PRORP: variants seen among roughly 807,000 people sequenced by gnomAD.
PRORP encodes protein only RNase P catalytic subunit.
PRORP carries 51 observed loss-of-function variants against 59.4 expected under a neutral mutation model. The observed-to-expected ratio is 0.86, with a 90% CI of 0.69 to 1.08. PRORP has a LOEUF of 1.08. PRORP is among the 50% of genes least tolerant of loss of function. PRORP has a pLI of 0.00. For synonymous variants in PRORP, 231 were observed against 245.6 expected (o/e 0.94, Z 0.55); for missense variants, 646 against 690.3 (o/e 0.94, Z 0.72).
intron 5 of PRORP, among the ~76,000 whole-genome samples, chr14:35,189,475 T>C (rs2048829057): frequency 6.6e-6 from 1 of 151,222 alleles, no homozygotes; most frequent in Non-Finnish European, 1.5e-5. Context: ...TCTGAGTGAC[T>C]AGCAGATTGA....
intron 5 of PRORP, among the ~76,000 whole-genome samples, chr14:35,236,062 C>T (rs952503433): frequency 2.1e-5 from 3 of 142,868 alleles, no homozygotes; most frequent in African/African-American, 7.9e-5. Flanking sequence ...TGCCACTGCA[C>T]TCCAACCTGG....
At chr14:35,218,366 T>C (rs1595331395) in intron 5 of PRORP, among the ~76,000 whole-genome samples, 1 of 139,400 alleles carries the variant, frequency 7.2e-6, no homozygotes, top group South Asian at 2.3e-4. Context: ...GATGCTGAGG[T>C]GGGAGGATCA....
chr14:35,195,827 C>CA (rs1209233705), intron 5 of PRORP, among the ~76,000 whole-genome samples: 2 of 151,790 alleles, frequency 1.3e-5, no homozygotes, highest in South Asian at 4.2e-4. Flanking sequence ...CTTTCATTTT[C>CA]AAAAAAGAAG....
chr14:35,163,759 T>A lies in PRORP; in HGVS notation c.1168-16911T>A, dbSNP rs565880462. 2.6e-5 allele frequency among the ~76,000 whole-genome samples: 4 copies of A among 152,288 alleles called. No individual in the cohort carries two copies. In the South Asian group the frequency reaches 8.3e-4, roughly 32 times the overall value. On this transcript the variant is annotated intron_variant, in intron 4 of 7. Transcript: ENST00000534898. ...TTTGCTATACAGAGGCTCTTTAGTT[T>A]AATTAGTTAATTAATTAGGTCCCAC...
intron 5 of PRORP, among the ~76,000 whole-genome samples, chr14:35,230,070 T>TTTTTTTTTTA (rs2050035783): frequency 3.3e-5 from 4 of 121,672 alleles, no homozygotes; most frequent in African/African-American, 1.1e-4. Flanking sequence ...TTTTTTTTTT[T>TTTTTTTTTTA]GAGACCAAGT....
intron 4 of PRORP, among the ~76,000 whole-genome samples, chr14:35,168,402 C>T (rs2048236555): frequency 6.6e-6 from 1 of 152,088 alleles, no homozygotes; most frequent in Non-Finnish European, 1.5e-5. Context: ...AAAGGGAGTT[C>T]TTCATCTTTG....
At chr14:35,273,247 A>G (rs2051240561) in intron 7 of PRORP, among the ~76,000 whole-genome samples, 188 bp from the exon 8 acceptor site, 1 of 152,204 alleles carries the variant, frequency 6.6e-6, no homozygotes, top group Non-Finnish European at 1.5e-5. Flanking sequence ...AGACCCCTCA[A>G]AAAAAGGAAC....
intron 5 of PRORP, among the ~76,000 whole-genome samples, chr14:35,260,350 A>G (rs1161924801): frequency 6.6e-6 from 1 of 152,258 alleles, no homozygotes; most frequent in Non-Finnish European, 1.5e-5. Flanking sequence ...CAACAGGCAC[A>G]GGCCAGACCC....
At chr14:35,150,583 T>G (rs1445042783) in intron 4 of PRORP, among the ~76,000 whole-genome samples, 2 of 152,218 alleles carry the variant, frequency 1.3e-5, no homozygotes, top group African/African-American at 4.8e-5. Context: ...ATGTTTTCCT[T>G]ATTTCTTCAT....
intron 5 of PRORP, among the ~76,000 whole-genome samples, chr14:35,240,742 T>G (rs2050345089): frequency 6.6e-6 from 1 of 152,152 alleles, no homozygotes; most frequent in South Asian, 2.1e-4. Context: ...CCACATTGAT[T>G]AAATCAACAA....
intron 5 of PRORP, among the ~76,000 whole-genome samples, chr14:35,195,351 G>A (rs1459061310): frequency 6.6e-6 from 1 of 151,986 alleles, no homozygotes. Flanking sequence ...TACTGGAGGT[G>A]AGTTTACTGA....
At position 35,270,474 on chromosome 14, in the gene PRORP, C is replaced by T. The variant is rs2051157859; in HGVS notation, c.1498C>T (p.Leu500=). The T allele has an allele frequency of 1.2e-6, 2 of 1,614,034 alleles. No individual in the cohort carries two copies. Among genetic ancestry groups the T allele is most frequent in the Non-Finnish European group, 1.7e-6 (2 of 1,180,044 alleles). Residue 500 remains leucine (L), a synonymous_variant, in exon 7 of 8, where the codon CTG becomes TTG. Transcript: ENST00000534898. The part of the protein sequence containing the change: ...GNHCRFITRD[L]MRDHKACLPD... ...TCACTGCAGGTTTATCACAAGAGAC[C>T]TGATGCGGGACCACAAGGCCTGTCT...
intron 7 of PRORP, among the ~76,000 whole-genome samples, chr14:35,271,044 G>A (rs1236801541): frequency 6.6e-6 from 1 of 151,360 alleles, no homozygotes; most frequent in African/African-American, 2.4e-5. Context: ...CCGAGATCAC[G>A]CCACTGCACT....
At chr14:35,256,990 G>A (rs989666869) in intron 5 of PRORP, among the ~76,000 whole-genome samples, 2 of 150,488 alleles carry the variant, frequency 1.3e-5, no homozygotes. Flanking sequence ...CTCCTGCCTC[G>A]GCCTCCCAAG....
intron 7 of PRORP, 82 bp downstream of exon 7, chr14:35,270,678 T>A: frequency 8.0e-7 from 1 of 1,249,930 alleles, no homozygotes; most frequent in Non-Finnish European, 1.1e-6. Flanking sequence ...GTGTCACAAC[T>A]AATTGAAGGT....
intron 4 of PRORP, among the ~76,000 whole-genome samples, chr14:35,168,775 A>G (rs1285061269): frequency 6.6e-6 from 1 of 152,154 alleles, no homozygotes; most frequent in African/African-American, 2.4e-5. Context: ...GTATGTGACT[A>G]TTAGTGATGA....
intron 4 of PRORP, among the ~76,000 whole-genome samples, chr14:35,172,497 TC>T (rs1555324994): frequency 1.8e-5 from 1 of 56,262 alleles, no homozygotes; most frequent in Non-Finnish European, 5.3e-5. Context: ...CCTTCCTCTC[TC>T]CCTCTCTCCC....
At chr14:35,198,348 C>T (rs17535082) in intron 5 of PRORP, among the ~76,000 whole-genome samples, 9,289 of 152,168 alleles carry the variant, frequency 0.061, 368 homozygotes, top group Middle Eastern at 0.11. Flanking sequence ...TGTTACGAAC[C>T]GGTGAATGGA....
chr14:35,270,577 G>A lies in PRORP; in HGVS notation c.1601G>A (p.Gly534Glu), dbSNP rs753366107. 6 of 1,614,074 alleles carry A rather than the reference G, an allele frequency of 3.7e-6. No homozygotes were observed. Among genetic ancestry groups the A allele is most frequent in the Non-Finnish European group, 5.1e-6 (6 of 1,179,996 alleles). ...HQLAIVNRFP[G>E]SKLTFQRILS... ...CTGGCAATTGTAAATAGGTTTCCAG[G>A]ATCAAAACTAACCTTTCAGGTAATG... Residue 534 changes from glycine to glutamate, a missense_variant, in exon 7 of 8, where the codon GGA becomes GAA. Physicochemically the swap from Gly to Glu is moderately conservative, Grantham distance 98. Coordinates refer to ENST00000534898, the MANE Select transcript of PRORP (RefSeq NM_014672.4).
Sources: gnomAD v4.1 joint callset for allele counts (sites outside exome capture counted in the v4.1 genomes callset) on GRCh38, gnomAD v4.1.1 for gene constraint, MANE v1.5 for transcripts, NCBI Gene and HGNC (gene_info 2026-07-23, HGNC 2026-07-21) for gene names.